SLC16A4: variants seen among roughly 807,000 people sequenced by gnomAD.
The protein encoded by SLC16A4 is probable monocarboxylate transporter 5.
Under a neutral mutation model 47.9 loss-of-function variants are expected in SLC16A4, and 39 were observed. The ratio of observed to expected loss-of-function variants is 0.81; its 90% CI spans 0.63 to 1.06. The LOEUF (loss-of-function observed/expected upper bound fraction) is 1.06. SLC16A4 is among the 50% of genes least tolerant of loss of function. The probability of loss-of-function intolerance (pLI) is 0.00; values close to 1 mark genes in which losing one functional copy is unlikely to be tolerated. For synonymous variants in SLC16A4, 189 were observed against 199.9 expected (o/e 0.95, Z 0.46); for missense variants, 524 against 573.8 (o/e 0.91, Z 0.89).
Position 110,390,937 on chromosome 1 carries a change from T to C in SLC16A4, c.-105A>G, listed in dbSNP as rs1190340945. 4 of 152,194 alleles carry C rather than the reference T, an allele frequency of 2.6e-5. No individual in the cohort carries two copies. The highest frequency in any genetic ancestry group is 5.9e-5 in the Non-Finnish European group (4 of 68,044). The allele number at this position is 152,194 out of a possible 1,614,324, so 9.4% of individuals were successfully genotyped here. A position where few individuals can be genotyped will look rare whatever the true frequency, so the allele number is the denominator to read the frequency against. Reference sequence around the variant, plus strand: ...AAGGAAGAAAAATAAATTACACCGTTTTCTGGAATGTTACTCTTTTTCTAA... The same window carrying C: ...AAGGAAGAAAAATAAATTACACCGTCTTCTGGAATGTTACTCTTTTTCTAA... On this transcript the variant is annotated 5_prime_UTR_variant, in exon 1 of 9. Transcript: ENST00000369779.
At chr1:110,372,661 T>G (rs1448176893) in intron 8 of SLC16A4, 2 of 152,226 alleles carry the variant, frequency 1.3e-5, no homozygotes, top group African/African-American at 4.8e-5. Flanking sequence ...TGGCACAGCA[T>G]TGCAGTTAGA....
At position 110,379,308 on chromosome 1, in the gene SLC16A4, C is replaced by T. The variant is rs1364243127; in HGVS notation, c.575G>A (p.Ser192Asn). ...GAIALNLVPS[S>N]MLLRPIHIKS... ...GATATGGATGGGTCTTAAGAGCATA[C>T]TAGAAGGCACCAAATTCAATGCGAT... Residue 192 changes from serine (S) to asparagine (N), a missense_variant, in exon 6 of 9, where the codon AGT becomes AAT. Physicochemically the swap from Ser to Asn is conservative, Grantham distance 46. Coordinates refer to ENST00000369779, the MANE Select transcript of SLC16A4 (RefSeq NM_004696.3). 1.5e-5 allele frequency: 24 copies of T among 1,609,256 alleles called. No individual in the cohort carries two copies. Among genetic ancestry groups the T allele is most frequent in the Non-Finnish European group, 2.0e-5 (23 of 1,175,992 alleles).
At chr1:110,369,533 G>A (rs1041118126) in intron 8 of SLC16A4, among the ~76,000 whole-genome samples, 2 of 152,100 alleles carry the variant, frequency 1.3e-5, no homozygotes, top group African/African-American at 4.8e-5. Flanking sequence ...CTGGATAAGT[G>A]AGCCAAGATT....
rs181137716 is a variant in SLC16A4, at chr1:110,369,322, G to A, written c.1337-5429C>T. On this transcript the variant is annotated intron_variant, in intron 8 of 8. Transcript: ENST00000369779. ...CATCTTATTGAAACTTAACATGGCC[G>A]GGTGCAGTGGCTCACACCTGTAATC... 2.8e-3 allele frequency among the ~76,000 whole-genome samples: 430 copies of A among 152,042 alleles called. 4 individuals are homozygous for A. The highest frequency in any genetic ancestry group is 8.9e-3 in the African/African-American group (371 of 41,506).
At chr1:110,388,937 T>C (rs1309002489) in intron 2 of SLC16A4, among the ~76,000 whole-genome samples, 1 of 152,206 alleles carries the variant, frequency 6.6e-6, no homozygotes, top group Non-Finnish European at 1.5e-5. Flanking sequence ...CTCGAACTCC[T>C]GACTTCAAGT....
intron 1 of SLC16A4, among the ~76,000 whole-genome samples, chr1:110,390,573 G>A (rs1662986996): frequency 6.6e-6 from 1 of 152,182 alleles, no homozygotes; most frequent in African/African-American, 2.4e-5. Flanking sequence ...GGAGATACAT[G>A]CTAAAGTATT....
At chr1:110,364,207 AAAG>A (rs746807848) in intron 8 of SLC16A4, among the ~76,000 whole-genome samples, 44 of 152,358 alleles carry the variant, frequency 2.9e-4, no homozygotes, top group Non-Finnish European at 5.3e-4. Flanking sequence ...CCAGAGAAAA[AAAG>A]AAGTGATAAT....
intron 6 of SLC16A4, 43 bp downstream of exon 6, chr1:110,378,810 T>C (rs1224350731): frequency 7.8e-6 from 12 of 1,536,214 alleles, no homozygotes; most frequent in Non-Finnish European, 1.0e-5. Context: ...AAAATTAAGT[T>C]GATCTTTCCT....
At chr1:110,381,590 G>A (rs1662385554) in intron 4 of SLC16A4, 62 bp downstream of exon 4, 2 of 1,549,938 alleles carry the variant, frequency 1.3e-6, no homozygotes. Context: ...CAAAGTGCTA[G>A]GATTACAAGT....
intron 8 of SLC16A4, chr1:110,371,845 G>T (rs923263284): frequency 4.6e-5 from 7 of 152,190 alleles, no homozygotes; most frequent in Non-Finnish European, 1.0e-4. Flanking sequence ...CTTTGGGGTG[G>T]AGTGGGTGAG....
intron 2 of SLC16A4, among the ~76,000 whole-genome samples, chr1:110,387,453 GCA>G (rs1662792716): frequency 6.6e-6 from 1 of 152,212 alleles, no homozygotes; most frequent in Non-Finnish European, 1.5e-5. Flanking sequence ...AGAAACAAAA[GCA>G]CAGTCATTCA....
At chr1:110,389,701 C>T (rs901588744) in intron 1 of SLC16A4, among the ~76,000 whole-genome samples, 2 of 152,164 alleles carry the variant, frequency 1.3e-5, no homozygotes, top group Non-Finnish European at 2.9e-5. Flanking sequence ...ACATAGACAC[C>T]ATGGAATACT....
Position 110,382,947 on chromosome 1 carries a change from C to T in SLC16A4, c.107G>A (p.Gly36Glu), listed in dbSNP as rs1264988875. The T allele has an allele frequency of 1.9e-6, 3 of 1,610,148 alleles. No homozygotes were observed. The Admixed American group carries it at 5.0e-5, about 27-fold the overall frequency. Reference protein sequence around the residue: ...HFFLVNVFVMGMTKTFAIFFV... With the variant: ...HFFLVNVFVMEMTKTFAIFFV... ...GAAAATTGCAAAAGTCTTGGTCATCCCCATCACAAACACATTCACCTAAAT... is the reference window on the plus strand; with the variant it reads ...GAAAATTGCAAAAGTCTTGGTCATCTCCATCACAAACACATTCACCTAAAT... Residue 36 changes from glycine to glutamate, a missense_variant, in exon 3 of 9, where the codon GGG (glycine) becomes GAG (glutamate). By Grantham distance (98) the Gly-to-Glu change is moderately conservative. Transcript: ENST00000369779.
At chr1:110,365,254 C>T (rs984752682) in intron 8 of SLC16A4, among the ~76,000 whole-genome samples, 2 of 151,944 alleles carry the variant, frequency 1.3e-5, no homozygotes, top group African/African-American at 2.4e-5. Context: ...TCCCTTCTAT[C>T]TTAGATCATG....
Position 110,389,319 on chromosome 1 carries a change from A to G in SLC16A4, c.5T>C (p.Leu2Pro). The change falls in exon 2 of 9, where the codon CTG becomes CCG. Residue 2 changes from leucine (L) to proline (P), a missense_variant. Leu to Pro is a moderately conservative substitution (Grantham distance 98). Transcript: ENST00000369779. M[L>P]KREGKVQPYT... Reference sequence around the variant, plus strand: ...AGGTTGGACCTTCCCCTCCCTCTTCAGCATGATGCCTCTTCTATTTTAAAT... The same window carrying G: ...AGGTTGGACCTTCCCCTCCCTCTTCGGCATGATGCCTCTTCTATTTTAAAT... 2 of 1,608,496 alleles carry G rather than the reference A, an allele frequency of 1.2e-6. No homozygotes were observed. Among genetic ancestry groups the G allele is most frequent in the South Asian group, 2.2e-5 (2 of 90,942 alleles).
chr1:110,381,221 C>G, intron 4 of SLC16A4, 78 bp from the exon 5 acceptor site: 1 of 1,355,900 alleles, frequency 7.4e-7, no homozygotes, highest in Non-Finnish European at 1.0e-6. Context: ...CTCCTGGATC[C>G]GAGATAATAC....
intron 6 of SLC16A4, among the ~76,000 whole-genome samples, chr1:110,378,125 G>A (rs1050763068): frequency 2.0e-5 from 3 of 152,102 alleles, no homozygotes; most frequent in East Asian, 3.9e-4. Flanking sequence ...CACCACGCCC[G>A]GCCAGTTGTT....
intron 8 of SLC16A4, chr1:110,370,999 T>C (rs563380657): frequency 6.6e-6 from 1 of 152,340 alleles, no homozygotes; most frequent in South Asian, 2.1e-4. Context: ...CCTGGCAGTG[T>C]ATGTGGCAGA....
At position 110,378,864 on chromosome 1, in the gene SLC16A4, A is replaced by G; in HGVS notation, c.1019T>C (p.Val340Ala). ...GTAGGCTTTCTTACCTGCTACAGAA[A>G]CAAGGTAAGAGGCATCCATGATGTC... ...GIDIMDASYL[V>A]SVAGILETVS... The change falls in exon 6 of 9, where the codon GTT becomes GCT. Residue 340 changes from valine to alanine, a missense_variant. By Grantham distance (64) the Val-to-Ala change is moderately conservative. Coordinates refer to ENST00000369779, the MANE Select transcript of SLC16A4 (RefSeq NM_004696.3). The G allele has an allele frequency of 6.2e-7, 1 of 1,606,690 alleles. No individual in the cohort carries two copies. The highest frequency in any genetic ancestry group is 8.5e-7 in the Non-Finnish European group (1 of 1,175,802).
Sources: gnomAD v4.1 joint callset for allele counts (sites outside exome capture counted in the v4.1 genomes callset) on GRCh38, gnomAD v4.1.1 for gene constraint, MANE v1.5 for transcripts, NCBI Gene and HGNC (gene_info 2026-07-23, HGNC 2026-07-21) for gene names.